IGF2BP3: variants seen among roughly 807,000 people sequenced by gnomAD.
IGF2BP3 encodes insulin like growth factor 2 mRNA binding protein 3.
Under a neutral mutation model 73.8 loss-of-function variants are expected in IGF2BP3, and 9 were observed. The observed-to-expected ratio is 0.12, with a 90% confidence interval of 0.07 to 0.21. The LOEUF (loss-of-function observed/expected upper bound fraction) is 0.21. Ranked by LOEUF, IGF2BP3 falls within the 10% of genes least tolerant of loss-of-function variation. The pLI is 1.00. For missense variants in IGF2BP3, 542 were observed against 714.0 expected (o/e 0.76, Z 2.75); for synonymous variants, 258 against 256.7 (o/e 1.01, Z -0.05).
chr7:23,411,928 A>G (rs1046570407), intron 3 of IGF2BP3, among the ~76,000 whole-genome samples: 2 of 148,688 alleles, frequency 1.3e-5, no homozygotes, highest in Non-Finnish European at 3.0e-5. Context: ...ACTAGATAAC[A>G]TGGCATCACT....
intron 5 of IGF2BP3, among the ~76,000 whole-genome samples, chr7:23,357,199 A>T (rs1212726537): frequency 6.6e-6 from 1 of 152,166 alleles, no homozygotes; most frequent in Non-Finnish European, 1.5e-5. Flanking sequence ...GTTGCTTCAA[A>T]CACTTCTAAA....
At chr7:23,416,564 G>T (rs1054168276) in intron 3 of IGF2BP3, among the ~76,000 whole-genome samples, 4 of 152,196 alleles carry the variant, frequency 2.6e-5, no homozygotes, top group African/African-American at 9.7e-5. Flanking sequence ...TATTTCCTCT[G>T]TGGTGACATG....
At chr7:23,342,329 C>G in intron 9 of IGF2BP3, 140 bp from the exon 10 acceptor site, 1 of 915,274 alleles carries the variant, frequency 1.1e-6, no homozygotes, top group Non-Finnish European at 1.7e-6. Context: ...TTCCATGGGA[C>G]TCTACTTGAG....
At chr7:23,369,102 G>A (rs1785472014) in intron 3 of IGF2BP3, among the ~76,000 whole-genome samples, 1 of 151,970 alleles carries the variant, frequency 6.6e-6, no homozygotes, top group African/African-American at 2.4e-5. Context: ...CCACAGAACC[G>A]GCCTAGTCTG....
chr7:23,321,795 A>AC (rs1404622160), intron 10 of IGF2BP3, among the ~76,000 whole-genome samples: 1 of 151,972 alleles, frequency 6.6e-6, no homozygotes, highest in African/African-American at 2.4e-5. Flanking sequence ...ACTGGGAGGC[A>AC]CCCCCCAGCA....
chr7:23,446,848 C>T (rs988515626), intron 2 of IGF2BP3, among the ~76,000 whole-genome samples: 1 of 152,152 alleles, frequency 6.6e-6, no homozygotes, highest in Non-Finnish European at 1.5e-5. Flanking sequence ...CAACAAACAC[C>T]ATGTGCCTCT....
chr7:23,332,836 C>G (rs1784476974), intron 10 of IGF2BP3, among the ~76,000 whole-genome samples: 1 of 152,058 alleles, frequency 6.6e-6, no homozygotes, highest in South Asian at 2.1e-4. Flanking sequence ...GTCCTTGTAT[C>G]AAGACCATTA....
intron 3 of IGF2BP3, among the ~76,000 whole-genome samples, chr7:23,396,047 T>G (rs981767480): frequency 1.1e-4 from 16 of 151,856 alleles, no homozygotes; most frequent in African/African-American, 3.9e-4. Context: ...GTGAGTTTTT[T>G]TTTTTTTTTT....
At chr7:23,438,695 AAAT>A (rs1231687539) in intron 2 of IGF2BP3, among the ~76,000 whole-genome samples, 1 of 152,306 alleles carries the variant, frequency 6.6e-6, no homozygotes, top group Admixed American at 6.5e-5. Flanking sequence ...TAGGCTGATA[AAAT>A]AATCTTTAAA....
intron 5 of IGF2BP3, among the ~76,000 whole-genome samples, chr7:23,351,846 T>A (rs1350051662): frequency 1.3e-5 from 2 of 152,070 alleles, no homozygotes; most frequent in East Asian, 3.9e-4. Context: ...CTATGTGCCA[T>A]CTCCTAATGA....
chr7:23,468,907 C>G (rs761960375), intron 1 of IGF2BP3, among the ~76,000 whole-genome samples: 1 of 152,242 alleles, frequency 6.6e-6, no homozygotes, highest in African/African-American at 2.4e-5. Flanking sequence ...AGGGGGCTCC[C>G]CTGGCTTTCT....
intron 3 of IGF2BP3, among the ~76,000 whole-genome samples, chr7:23,409,555 A>G (rs981268556): frequency 6.6e-6 from 1 of 152,214 alleles, no homozygotes; most frequent in African/African-American, 2.4e-5. Context: ...ACATAAATCA[A>G]TGGGATAAAA....
At chr7:23,439,685 A>G (rs1787887168) in intron 2 of IGF2BP3, among the ~76,000 whole-genome samples, 1 of 152,146 alleles carries the variant, frequency 6.6e-6, no homozygotes, top group Non-Finnish European at 1.5e-5. Context: ...CACGTAACCA[A>G]CCAATCTCAC....
At chr7:23,394,409 G>A (rs1027859424) in intron 3 of IGF2BP3, among the ~76,000 whole-genome samples, 1 of 152,180 alleles carries the variant, frequency 6.6e-6, no homozygotes, top group African/African-American at 2.4e-5. Context: ...CGAGGCTGCA[G>A]TGAGCTATGA....
chr7:23,408,742 AT>A, intron 3 of IGF2BP3, among the ~76,000 whole-genome samples: 1 of 152,240 alleles, frequency 6.6e-6, no homozygotes, highest in East Asian at 1.9e-4. Flanking sequence ...TCTCAAAGAG[AT>A]ATTTATTCAC....
intron 3 of IGF2BP3, among the ~76,000 whole-genome samples, chr7:23,384,961 A>G (rs988254290): frequency 1.2e-4 from 19 of 152,184 alleles, no homozygotes; most frequent in Non-Finnish European, 1.5e-5. Context: ...TCAACTTACA[A>G]TATTTTCAAC....
chr7:23,449,960 G>A (rs1465636971), intron 2 of IGF2BP3, among the ~76,000 whole-genome samples: 3 of 152,100 alleles, frequency 2.0e-5, no homozygotes, highest in Non-Finnish European at 2.9e-5. Flanking sequence ...GGTCCAAGAA[G>A]TTAAGACTAT....
intron 3 of IGF2BP3, among the ~76,000 whole-genome samples, chr7:23,390,328 T>C (rs1786231892): frequency 6.6e-6 from 1 of 151,938 alleles, no homozygotes; most frequent in Non-Finnish European, 1.5e-5. Context: ...TCACCTATAA[T>C]GGGGAAGAAG....
intron 10 of IGF2BP3, among the ~76,000 whole-genome samples, chr7:23,326,253 C>G (rs1473544367): frequency 2.6e-5 from 4 of 152,128 alleles, no homozygotes; most frequent in Admixed American, 2.0e-4. Flanking sequence ...AAAAGTGGGC[C>G]AAGGACATGA....
Sources: allele counts gnomAD v4.1 joint callset (sites outside exome capture counted in the v4.1 genomes callset), GRCh38; gene constraint gnomAD v4.1.1; transcripts MANE v1.5; gene names NCBI Gene and HGNC (gene_info 2026-07-23, HGNC 2026-07-21).